The following SDK2 variants were observed in gnomAD, a reference collection of about 807,000 sequenced individuals.
SDK2 encodes protein sidekick-2.
In SDK2, 105 loss-of-function variants were observed where a neutral mutation model predicts 253.9. The ratio of observed to expected loss-of-function variants is 0.41; its 90% CI spans 0.35 to 0.49. The LOEUF (loss-of-function observed/expected upper bound fraction) is 0.49. Among genes scored for constraint, SDK2 ranks in the 20% least tolerant of loss-of-function variants. The pLI, the probability that SDK2 is intolerant of heterozygous loss-of-function variation, is 0.06. For synonymous variants in SDK2, 1,249 were observed against 1,234.9 expected (o/e 1.01, Z -0.24); for missense variants, 2,608 against 3,003.0 (o/e 0.87, Z 3.07).
chr17:73,338,145 C>T lies in SDK2; in HGVS notation c.*442G>A. The T allele has an allele frequency of 6.9e-6, 2 of 288,824 alleles. No homozygotes were observed. The highest frequency in any genetic ancestry group is 6.9e-6 in the Non-Finnish European group (1 of 145,922). The allele number at this position is 288,824 out of a possible 1,614,324, so 17.9% of individuals were successfully genotyped here. A position where few individuals can be genotyped will look rare whatever the true frequency, so the allele number is the denominator to read the frequency against. ...GGATGCCCATTCTTTTTGCAGAGAG[C>T]AGCGGCAGTGGGTCCAGGGGTCCTG... On this transcript the variant is annotated 3_prime_UTR_variant, in exon 45 of 45. Transcript: ENST00000392650. This position sits in a 1 kb window ranked among gnomAD's most constrained non-coding sequence, Gnocchi z 5.0.
In SDK2 at chr17:73,505,171, G is replaced by C. The variant is rs568680732; in HGVS notation, c.224+2267C>G. ...AGCAGTTAGCCGAAAGATTGCTTAG[G>C]ATACACATTAAGGAAGCAATTGCAG... On this transcript the variant is annotated intron_variant, in intron 2 of 44. Transcript: ENST00000392650. 2.6e-5 allele frequency among the ~76,000 whole-genome samples: 4 copies of C among 152,324 alleles called. No homozygotes were observed. The South Asian group carries it at 8.3e-4, about 32-fold the overall frequency.
chr17:73,543,147 G>T (rs1358179909), intron 1 of SDK2, among the ~76,000 whole-genome samples: 1 of 152,204 alleles, frequency 6.6e-6, no homozygotes, highest in Admixed American at 6.5e-5. Flanking sequence ...AGGGATGAGT[G>T]ACCGGCAGCC....
chr17:73,485,915 G>A (rs1480364671), intron 2 of SDK2, among the ~76,000 whole-genome samples: 1 of 152,232 alleles, frequency 6.6e-6, no homozygotes, highest in African/African-American at 2.4e-5. Flanking sequence ...AGGTTTACAT[G>A]TGTACGAAGG....
intron 2 of SDK2, among the ~76,000 whole-genome samples, chr17:73,485,784 G>A (rs1440569722): frequency 6.6e-6 from 1 of 152,250 alleles, no homozygotes; most frequent in East Asian, 1.9e-4. Flanking sequence ...GTCTGCAGCT[G>A]CTCTCCTGCT....
chr17:73,557,591 C>T (rs1171888483), intron 1 of SDK2, among the ~76,000 whole-genome samples: 8 of 152,214 alleles, frequency 5.3e-5, no homozygotes, highest in Admixed American at 4.6e-4. Flanking sequence ...GCATGAGCCA[C>T]TGTGCCCAGC....
chr17:73,467,800 G>A lies in SDK2; in HGVS notation c.331+4312C>T, dbSNP rs1477592397. Among the ~76,000 whole-genome samples, 1 of 152,148 alleles carries A rather than the reference G, an allele frequency of 6.6e-6. No individual in the cohort carries two copies. The highest frequency in any genetic ancestry group is 2.1e-4 in the South Asian group (1 of 4,826). ...CTGTGGACTGTGGTTACCACTTCAC[G>A]ACATTATGGAGGAAACAGCTTCACA... On this transcript the variant is annotated intron_variant, in intron 3 of 44. Transcript: ENST00000392650. This position sits in a 1 kb window ranked among gnomAD's most constrained non-coding sequence, Gnocchi z 4.1.
chr17:73,536,447 T>C (rs2044772999), intron 1 of SDK2, among the ~76,000 whole-genome samples: 1 of 151,868 alleles, frequency 6.6e-6, no homozygotes, highest in Non-Finnish European at 1.5e-5. Context: ...CGCTGACCCC[T>C]GCACCTCTCT....
intron 1 of SDK2, chr17:73,517,210 T>C (rs1171553477): frequency 6.6e-6 from 1 of 152,188 alleles, no homozygotes; most frequent in East Asian, 1.9e-4. Context: ...CCAAGGGATG[T>C]TTAATAAAGT....
At chr17:73,393,465 G>C in intron 27 of SDK2, 95 bp downstream of exon 27, 1 of 1,189,706 alleles carries the variant, frequency 8.4e-7, no homozygotes, top group South Asian at 2.1e-5. Context: ...GCTCCCTGTG[G>C]GGCAGAGCCT....
At chr17:73,551,917 G>A (rs1421251035) in intron 1 of SDK2, among the ~76,000 whole-genome samples, 1 of 152,200 alleles carries the variant, frequency 6.6e-6, no homozygotes, top group Non-Finnish European at 1.5e-5. Flanking sequence ...AGTAAAAAGA[G>A]GGTCAGAGAG....
chr17:73,490,549 GTT>G (rs767658702), intron 2 of SDK2, among the ~76,000 whole-genome samples: 1 of 136,832 alleles, frequency 7.3e-6, no homozygotes. Context: ...TTTGAGATGG[GTT>G]TTTTTTTTTT....
intron 36 of SDK2, among the ~76,000 whole-genome samples, chr17:73,373,426 C>T (rs950961776): frequency 2.6e-5 from 4 of 152,154 alleles, no homozygotes; most frequent in South Asian, 2.1e-4. Flanking sequence ...TAATTTTCTG[C>T]GGAACTTCCA....
chr17:73,507,458 G>C lies in SDK2; in HGVS notation c.204C>G (p.Thr68=), dbSNP rs1425070039. 3 of 1,551,298 alleles carry C rather than the reference G, an allele frequency of 1.9e-6. No individual in the cohort carries two copies. The African/African-American group carries it at 4.1e-5, about 21-fold the overall frequency. ...FKWLHNNREL[T]KFSLEYRYMI... is the part of the protein sequence containing the mutation. ...TTTACCTGTATTCCAGGGAGAACTTGGTCAGCTCCCTGTTGTTGTGGAGCC... is the reference window on the plus strand; with the variant it reads ...TTTACCTGTATTCCAGGGAGAACTTCGTCAGCTCCCTGTTGTTGTGGAGCC... The change falls in exon 2 of 45, where the codon ACC becomes ACG. Residue 68 remains threonine, a synonymous_variant. Coordinates refer to ENST00000392650, the MANE Select transcript of SDK2 (RefSeq NM_001144952.2).
intron 3 of SDK2, among the ~76,000 whole-genome samples, chr17:73,456,257 T>A (rs1006233572): frequency 1.3e-5 from 2 of 152,116 alleles, no homozygotes; most frequent in African/African-American, 2.4e-5. Flanking sequence ...TCCATTCATA[T>A]CCCTATATCC....
In SDK2 at chr17:73,405,510, ATATATAT is replaced by A. The variant is rs1568385783; in HGVS notation, c.2485-3376_2485-3370del. 5.9e-4 allele frequency among the ~76,000 whole-genome samples: 37 copies of A among 63,236 alleles called. 7 individuals are homozygous for A. The highest frequency in any genetic ancestry group is 1.0e-3 in the African/African-American group (17 of 16,630). 41.5% of individuals were successfully genotyped at this position (63,236 alleles called of 152,430 possible). A position where few individuals can be genotyped will look rare whatever the true frequency, so the allele number is the denominator to read the frequency against. ...TATATATATATATATATATATATAT[ATATATAT>A]AAAGATCGAGAATGTGGAAAGTACA... On this transcript the variant is annotated intron_variant, in intron 18 of 44. Coordinates refer to ENST00000392650, the MANE Select transcript of SDK2 (RefSeq NM_001144952.2).
rs1019914501 is a variant in SDK2, at chr17:73,352,610, T to G, written c.5621A>C (p.Lys1874Thr). Reference protein sequence around the residue: ...SDEGLWDILIKDIPKEVSSYT... With the variant: ...SDEGLWDILITDIPKEVSSYT... ...GGAGCTCACCTCCTTGGGGATGTCTTTGATGAGGATGTCCCATAGTCCCTC... is the reference window on the plus strand; with the variant it reads ...GGAGCTCACCTCCTTGGGGATGTCTGTGATGAGGATGTCCCATAGTCCCTC... Residue 1874 changes from lysine to threonine, a missense_variant, in exon 41 of 45, where the codon AAA (lysine) becomes ACA (threonine). Physicochemically the swap from Lys to Thr is moderately conservative, Grantham distance 78. Around this residue, in one of 2 missense-constraint regions of SDK2, gnomAD observed 1,103 missense variants for 1,143.9 expected, o/e 0.96. Transcript: ENST00000392650. The surrounding 1 kb of genome is among the most constrained non-coding windows in gnomAD (Gnocchi z 4.1). 8 of 1,613,864 alleles carry G rather than the reference T, an allele frequency of 5.0e-6. No homozygotes were observed. The Admixed American group carries it at 1.3e-4, about 27-fold the overall frequency.
At chr17:73,601,905 G>A (rs1206905950) in intron 1 of SDK2, among the ~76,000 whole-genome samples, 1 of 152,022 alleles carries the variant, frequency 6.6e-6, no homozygotes, top group South Asian at 2.1e-4. Flanking sequence ...CACCATGCCC[G>A]GCTAATTTTT....
At chr17:73,503,979 G>C (rs1012970705) in intron 2 of SDK2, among the ~76,000 whole-genome samples, 3 of 152,342 alleles carry the variant, frequency 2.0e-5, no homozygotes, top group African/African-American at 7.2e-5. Flanking sequence ...ACAGCTGAGC[G>C]ACTTGGAGGA....
chr17:73,369,024 A>AG (rs1443335610), intron 36 of SDK2: 2 of 345,732 alleles, frequency 5.8e-6, no homozygotes, highest in East Asian at 1.5e-4. Context: ...AAAAAAAAAA[A>AG]AAGAATTTAA....
Sources: gnomAD v4.1 joint callset for allele counts (sites outside exome capture counted in the v4.1 genomes callset) on GRCh38, gnomAD v4.1.1 for gene constraint, gnomAD v4.1.1 regional missense constraint, Gnocchi (gnomAD v3.1) non-coding constraint, MANE v1.5 for transcripts, NCBI Gene and HGNC (gene_info 2026-07-23, HGNC 2026-07-21) for gene names.